TMC1: variants seen among roughly 807,000 people sequenced by gnomAD.
TMC1 encodes transmembrane channel like 1.
TMC1 carries 84 observed loss-of-function variants against 105.8 expected under a neutral mutation model. The observed-to-expected ratio is 0.79, with a 90% CI of 0.67 to 0.95. TMC1 has a LOEUF of 0.95. TMC1 is among the 40% of genes least tolerant of loss of function. TMC1 has a pLI of 0.00. For missense variants in TMC1, 817 were observed against 914.1 expected (o/e 0.89, Z 1.37); for synonymous variants, 315 against 311.5 (o/e 1.01, Z -0.12).
intron 4 of TMC1, among the ~76,000 whole-genome samples, chr9:72,632,504 G>A (rs147394279): frequency 3.7e-4 from 57 of 152,230 alleles, no homozygotes; most frequent in African/African-American, 9.9e-4. Flanking sequence ...GTAAGAGGAC[G>A]AGGGGCTGGA....
chr9:72,737,271 G>A (rs1041974726), intron 8 of TMC1, among the ~76,000 whole-genome samples: 4 of 152,110 alleles, frequency 2.6e-5, no homozygotes, highest in Non-Finnish European at 4.4e-5. Context: ...AAATTGTTCC[G>A]TAATATATCA....
At chr9:72,559,023 C>T (rs1285970082) in intron 1 of TMC1, among the ~76,000 whole-genome samples, 13 of 151,866 alleles carry the variant, frequency 8.6e-5, no homozygotes, top group Non-Finnish European at 1.9e-4. Flanking sequence ...CAAATGAAGT[C>T]ATACAACTTC....
chr9:72,722,600 A>G (rs1827046438), intron 8 of TMC1, among the ~76,000 whole-genome samples: 1 of 152,206 alleles, frequency 6.6e-6, no homozygotes, highest in Admixed American at 6.5e-5. Context: ...CACGAAACGT[A>G]TCACATAGCT....
Position 72,838,125 on chromosome 9 carries a change from T to G in TMC1, c.*2152T>G, listed in dbSNP as rs1247405153. On this transcript the variant is annotated 3_prime_UTR_variant, in exon 24 of 24. Transcript: ENST00000297784. Reference sequence around the variant, plus strand: ...CTGAATAAATGCTTGCTAATTAAATTGAATCAATTTAACTTACAGCAATTG... The same window carrying G: ...CTGAATAAATGCTTGCTAATTAAATGGAATCAATTTAACTTACAGCAATTG... 2 of 152,250 alleles carry G rather than the reference T, an allele frequency of 1.3e-5. No homozygotes were observed. Among genetic ancestry groups the G allele is most frequent in the Non-Finnish European group, 2.9e-5 (2 of 68,034 alleles). The allele number at this position is 152,250 out of a possible 1,614,324, so 9.4% of individuals were successfully genotyped here. A position where few individuals can be genotyped will look rare whatever the true frequency, so the allele number is the denominator to read the frequency against.
intron 2 of TMC1, among the ~76,000 whole-genome samples, chr9:72,606,657 A>G (rs1824918425): frequency 6.6e-6 from 1 of 152,190 alleles, no homozygotes; most frequent in Non-Finnish European, 1.5e-5. Flanking sequence ...AGTTATATTT[A>G]CTATAAAAAT....
intron 13 of TMC1, among the ~76,000 whole-genome samples, chr9:72,786,973 A>G (rs982464841): frequency 6.6e-6 from 1 of 151,466 alleles, no homozygotes; most frequent in African/African-American, 2.4e-5. Flanking sequence ...TTTTCTCCCT[A>G]GGTTAAACCA....
In TMC1 at chr9:72,772,519, T is replaced by C; in HGVS notation, c.848T>C (p.Met283Thr). 1 of 1,613,936 alleles carries C rather than the reference T, an allele frequency of 6.2e-7. No homozygotes were observed. Residue 283 changes from methionine (M) to threonine (T), a missense_variant, in exon 13 of 24, where the codon ATG becomes ACG. Met to Thr is a moderately conservative substitution (Grantham distance 81, BLOSUM62 -1). Coordinates refer to ENST00000297784, the MANE Select transcript of TMC1 (RefSeq NM_138691.3). ...LPLSYFLVGI[M>T]CIGYSFLVVL... ...CTCTCCTATTTTCTAGTGGGGATTA[T>C]GTGCATTGGATACAGCTTTCTGGTT...
intron 5 of TMC1, among the ~76,000 whole-genome samples, chr9:72,651,939 A>G (rs1013786836): frequency 3.9e-5 from 6 of 152,124 alleles, no homozygotes; most frequent in Non-Finnish European, 5.9e-5. Context: ...CCCAAAGTCC[A>G]TTGTAACATT....
intron 2 of TMC1, among the ~76,000 whole-genome samples, chr9:72,582,048 C>T (rs1322519820): frequency 6.6e-6 from 1 of 151,396 alleles, no homozygotes; most frequent in African/African-American, 2.5e-5. Context: ...ACCTCCGCCT[C>T]CTGGGTTCAA....
intron 12 of TMC1, among the ~76,000 whole-genome samples, chr9:72,767,279 T>C (rs1298740845): frequency 2.0e-5 from 3 of 152,206 alleles, no homozygotes; most frequent in South Asian, 2.1e-4. Context: ...TTCAAAATAA[T>C]GGTCTGGCAG....
At chr9:72,646,871 A>C (rs1825720858) in intron 4 of TMC1, among the ~76,000 whole-genome samples, 1 of 151,918 alleles carries the variant, frequency 6.6e-6, no homozygotes, top group Non-Finnish European at 1.5e-5. Context: ...TGGGCTGGGC[A>C]TGGTGGTTCA....
intron 5 of TMC1, among the ~76,000 whole-genome samples, chr9:72,667,098 A>G (rs1483674273): frequency 6.6e-6 from 1 of 152,010 alleles, no homozygotes; most frequent in African/African-American, 2.4e-5. Flanking sequence ...CAAACAAACA[A>G]AACAACCAAA....
intron 1 of TMC1, among the ~76,000 whole-genome samples, chr9:72,541,963 CA>C (rs943108560): frequency 6.6e-6 from 1 of 151,790 alleles, no homozygotes; most frequent in Non-Finnish European, 1.5e-5. Context: ...AAAACAAAAA[CA>C]AAAAAACACA....
At chr9:72,794,125 C>G (rs143666621) in intron 17 of TMC1, among the ~76,000 whole-genome samples, 224 of 152,154 alleles carry the variant, frequency 1.5e-3, no homozygotes, top group African/African-American at 4.5e-3. Context: ...CAGCTCGGAC[C>G]CACAACATAG....
intron 8 of TMC1, among the ~76,000 whole-genome samples, chr9:72,711,779 C>T (rs1028523649): frequency 1.3e-5 from 2 of 152,160 alleles, no homozygotes; most frequent in African/African-American, 4.8e-5. Flanking sequence ...GTAATTAGAT[C>T]CCATTTGTAA....
intron 6 of TMC1, among the ~76,000 whole-genome samples, chr9:72,691,001 T>C (rs192920540): frequency 8.1e-4 from 123 of 152,246 alleles, no homozygotes; most frequent in African/African-American, 2.8e-3. Context: ...TCTTGACTTT[T>C]TCTTATTCTT....
intron 8 of TMC1, among the ~76,000 whole-genome samples, chr9:72,721,045 T>C (rs1483164143): frequency 6.6e-6 from 1 of 152,136 alleles, no homozygotes; most frequent in Non-Finnish European, 1.5e-5. Flanking sequence ...TACTTAAGAA[T>C]TTCTATTATT....
At chr9:72,536,201 T>TA (rs1261094804) in intron 1 of TMC1, among the ~76,000 whole-genome samples, 2 of 152,116 alleles carry the variant, frequency 1.3e-5, no homozygotes, top group Non-Finnish European at 2.9e-5. Flanking sequence ...CTTGCAAAAA[T>TA]AAAAAATGAA....
At chr9:72,626,851 A>G (rs936249651) in intron 3 of TMC1, among the ~76,000 whole-genome samples, 3 of 152,198 alleles carry the variant, frequency 2.0e-5, no homozygotes, top group Non-Finnish European at 4.4e-5. Flanking sequence ...CCCTCTCTCC[A>G]TACTATTTAT....
Sources: gnomAD v4.1 joint callset for allele counts (sites outside exome capture counted in the v4.1 genomes callset) on GRCh38, gnomAD v4.1.1 for gene constraint, MANE v1.5 for transcripts, NCBI Gene and HGNC (gene_info 2026-07-23, HGNC 2026-07-21) for gene names.